CDYL2: variants seen among roughly 807,000 people sequenced by gnomAD.
CDYL2 encodes chromodomain Y like 2.
Under a neutral mutation model 49.4 loss-of-function variants are expected in CDYL2, and 23 were observed. That is an observed-to-expected ratio of 0.47 (90% CI 0.34 to 0.66). The LOEUF (loss-of-function observed/expected upper bound fraction) is 0.66. CDYL2 is among the 30% of genes least tolerant of loss of function. The pLI is 0.01. For synonymous variants in CDYL2, 360 were observed against 268.8 expected, an observed-to-expected ratio of 1.34 and a Z score of -3.32; for missense variants, 678 against 656.4, an observed-to-expected ratio of 1.03 and a Z score of -0.36.
At chr16:80,798,519 CTTA>C (rs1907832909) in intron 1 of CDYL2, among the ~76,000 whole-genome samples, 1 of 151,990 alleles carries the variant, frequency 6.6e-6, no homozygotes, top group African/African-American at 2.4e-5. Context: ...TTTTCTATTC[CTTA>C]TGATTTTTCT....
chr16:80,743,283 T>C (rs370823129), intron 1 of CDYL2, among the ~76,000 whole-genome samples: 9 of 152,320 alleles, frequency 5.9e-5, no homozygotes, highest in East Asian at 3.9e-4. Context: ...GCGCAGACAT[T>C]GTGAGGGAGC....
intron 2 of CDYL2, chr16:80,639,741 A>G (rs1036074914): frequency 2.2e-6 from 1 of 455,824 alleles, no homozygotes; most frequent in African/African-American, 2.0e-5. Flanking sequence ...TGAATCACAA[A>G]CGCCACCTCT....
Position 80,622,044 on chromosome 16 carries a change from CA to C in CDYL2, c.835-1110del, listed in dbSNP as rs533531685. On this transcript the variant is annotated intron_variant, in intron 3 of 6. Coordinates refer to ENST00000570137, the MANE Select transcript of CDYL2 (RefSeq NM_152342.4). ...GCCTAGAGGGGTCGTAACACTAGTCCAAGGCCACACAGTTGGTAAGTGTTAG... is the reference window on the plus strand; with the variant it reads ...GCCTAGAGGGGTCGTAACACTAGTCCAGGCCACACAGTTGGTAAGTGTTAG... 1.3e-4 allele frequency among the ~76,000 whole-genome samples: 20 copies of C among 152,300 alleles called. No homozygotes were observed. In the East Asian group the frequency reaches 2.7e-3, roughly 21 times the overall value.
rs1171816401 is a variant in CDYL2 at position 80,804,133 on chromosome 16, C to A, written c.24+17G>T. On this transcript the variant is annotated intron_variant, in intron 1 of 6. Coordinates refer to ENST00000570137, the MANE Select transcript of CDYL2 (RefSeq NM_152342.4). ...GCCCGCTGACTGGGGCCGGCCCGCGCCCCCGCGTCCCCGTACCTCGTAAAG... is the reference window on the plus strand; with the variant it reads ...GCCCGCTGACTGGGGCCGGCCCGCGACCCCGCGTCCCCGTACCTCGTAAAG... The A allele has an allele frequency of 8.4e-7, 1 of 1,185,080 alleles. No homozygotes were observed. The highest frequency in any genetic ancestry group is 3.2e-5 in the Admixed American group (1 of 31,228). The allele number at this position is 1,185,080 out of a possible 1,614,324, so 73.4% of individuals were successfully genotyped here.
At chr16:80,684,505 G>C in intron 2 of CDYL2, 33 bp downstream of exon 2, 2 of 1,588,942 alleles carry the variant, frequency 1.3e-6, no homozygotes, top group Non-Finnish European at 1.7e-6. Context: ...GCCATGGCCA[G>C]AGCCAAACCC....
At chr16:80,651,597 A>C (rs774586842) in intron 2 of CDYL2, among the ~76,000 whole-genome samples, 8 of 152,248 alleles carry the variant, frequency 5.3e-5, no homozygotes, top group Non-Finnish European at 1.2e-4. Context: ...ATGCCAATTT[A>C]AAAATGTCAT....
intron 1 of CDYL2, among the ~76,000 whole-genome samples, chr16:80,786,159 C>A (rs867143581): frequency 0.032 from 4,818 of 152,316 alleles, 262 homozygotes; most frequent in African/African-American, 0.11. Context: ...AAGAAACTAT[C>A]ATCACAGTGA....
intron 1 of CDYL2, among the ~76,000 whole-genome samples, chr16:80,795,343 G>C (rs1363062960): frequency 6.6e-6 from 1 of 152,170 alleles, no homozygotes; most frequent in African/African-American, 2.4e-5. Flanking sequence ...GGAATGACTG[G>C]AGTCAAGTGG....
chr16:80,664,929 A>G (rs1372187327), intron 2 of CDYL2, among the ~76,000 whole-genome samples: 2 of 152,138 alleles, frequency 1.3e-5, no homozygotes, highest in Non-Finnish European at 2.9e-5. Context: ...AATGCTGGCT[A>G]TTTTGACATG....
intron 1 of CDYL2, among the ~76,000 whole-genome samples, chr16:80,744,441 T>C (rs888186611): frequency 2.0e-5 from 3 of 152,162 alleles, no homozygotes; most frequent in African/African-American, 7.2e-5. Context: ...CAGGAAGCCC[T>C]GTTCAGACCT....
At position 80,723,770 on chromosome 16, in the gene CDYL2, T is replaced by A. The variant is rs187414515; in HGVS notation, c.25-38641A>T. Reference sequence around the variant, plus strand: ...TAGTGGTGACAGAGACCAAATGACCTGAAAAATTGAAAATATTTACTCTCT... The same window carrying A: ...TAGTGGTGACAGAGACCAAATGACCAGAAAAATTGAAAATATTTACTCTCT... On this transcript the variant is annotated intron_variant, in intron 1 of 6. Coordinates refer to ENST00000570137, the MANE Select transcript of CDYL2 (RefSeq NM_152342.4). Among the ~76,000 whole-genome samples, 177 of 152,230 alleles carry A rather than the reference T, an allele frequency of 1.2e-3. 1 individual carries two copies. Among genetic ancestry groups the A allele is most frequent in the Middle Eastern group, 3.4e-3 (1 of 294 alleles).
chr16:80,670,593 C>T (rs574505636), intron 2 of CDYL2, among the ~76,000 whole-genome samples: 3 of 152,084 alleles, frequency 2.0e-5, no homozygotes, highest in Admixed American at 6.5e-5. Flanking sequence ...GAGAAGGGAG[C>T]GCTGGAGTCC....
intron 1 of CDYL2, among the ~76,000 whole-genome samples, chr16:80,700,709 T>TA (rs1337716470): frequency 6.6e-6 from 1 of 152,232 alleles, no homozygotes; most frequent in Non-Finnish European, 1.5e-5. Context: ...TAAATGGATA[T>TA]ACCCTTTAGG....
At chr16:80,652,666 T>C (rs1211362652) in intron 2 of CDYL2, among the ~76,000 whole-genome samples, 2 of 152,162 alleles carry the variant, frequency 1.3e-5, no homozygotes, top group Non-Finnish European at 2.9e-5. Flanking sequence ...AGCCAGGTGG[T>C]CACAGTCAAC....
chr16:80,777,213 G>A (rs374652923), intron 1 of CDYL2, among the ~76,000 whole-genome samples: 3 of 152,028 alleles, frequency 2.0e-5, no homozygotes, highest in South Asian at 2.1e-4. Flanking sequence ...ACTGAGAAGG[G>A]GGCACACAGA....
chr16:80,639,910 G>A (rs915759050), intron 2 of CDYL2, among the ~76,000 whole-genome samples: 14 of 152,178 alleles, frequency 9.2e-5, no homozygotes, highest in African/African-American at 3.4e-4. Flanking sequence ...CAATGACGGA[G>A]CATTTAGACC....
intron 1 of CDYL2, among the ~76,000 whole-genome samples, chr16:80,703,871 A>C (rs1473877052): frequency 1.3e-5 from 2 of 152,034 alleles, no homozygotes; most frequent in African/African-American, 4.8e-5. Flanking sequence ...TTAGCATCAA[A>C]CTTTGCACCC....
At chr16:80,722,347 T>C (rs1905025284) in intron 1 of CDYL2, among the ~76,000 whole-genome samples, 1 of 152,236 alleles carries the variant, frequency 6.6e-6, no homozygotes, top group East Asian at 1.9e-4. Flanking sequence ...CAGAGGTACA[T>C]AAAATAACAG....
chr16:80,628,917 C>A (rs984748535), intron 3 of CDYL2, among the ~76,000 whole-genome samples: 3 of 152,156 alleles, frequency 2.0e-5, no homozygotes, highest in Admixed American at 1.3e-4. Context: ...AAGACTTGTG[C>A]AAGTGATGGG....
Sources: allele counts gnomAD v4.1 joint callset (sites outside exome capture counted in the v4.1 genomes callset), GRCh38; gene constraint gnomAD v4.1.1; transcripts MANE v1.5; gene names NCBI Gene and HGNC (gene_info 2026-07-23, HGNC 2026-07-21).